Variants in PACRG observed in about 807,000 individuals in gnomAD.
PACRG encodes the protein parkin coregulated.
Under a neutral mutation model 29.7 loss-of-function variants are expected in PACRG, and 29 were observed. That is an observed-to-expected ratio of 0.98 (90% CI 0.73 to 1.33). The LOEUF is 1.33. Ranked by LOEUF, PACRG falls within the 40% of genes most tolerant of loss-of-function variation. The pLI is 0.00. For synonymous variants in PACRG, 116 were observed against 118.7 expected, an observed-to-expected ratio of 0.98 and a Z score of 0.15; for missense variants, 279 against 316.2, an observed-to-expected ratio of 0.88 and a Z score of 0.89.
At chr6:162,910,883 A>C (rs551630947) in intron 2 of PACRG, among the ~76,000 whole-genome samples, 1 of 152,292 alleles carries the variant, frequency 6.6e-6, no homozygotes, top group East Asian at 1.9e-4. Context: ...CCAAAAGTTA[A>C]AGCAACTTTC....
chr6:163,135,219 C>T (rs890370149), intron 4 of PACRG, among the ~76,000 whole-genome samples: 2 of 148,844 alleles, frequency 1.3e-5, no homozygotes, highest in Non-Finnish European at 3.0e-5. Context: ...GACAGAGTCT[C>T]GTTCTGTTGC....
intron 1 of PACRG, among the ~76,000 whole-genome samples, chr6:162,751,063 G>A (rs1418788216): frequency 6.6e-6 from 1 of 152,056 alleles, no homozygotes; most frequent in Non-Finnish European, 1.5e-5. Context: ...TCCTTCTCCT[G>A]AAGGTTTTAC....
Position 162,814,137 on chromosome 6 carries a change from TC to T in PACRG, c.157-8del. On this transcript the variant is annotated splice_polypyrimidine_tract_variant and intron_variant, in intron 1 of 4. Coordinates refer to ENST00000366888, the MANE Select transcript of PACRG (RefSeq NM_001080379.2). ...AAAACCTGATCCCTATTTTTTTTTT[TC>T]CAATTAAGGTGAGAGGCCCTCCAGC... 2 of 1,592,556 alleles carry T rather than the reference TC, an allele frequency of 1.3e-6. No individual in the cohort carries two copies. The highest frequency in any genetic ancestry group is 8.5e-7 in the Non-Finnish European group (1 of 1,171,976).
At chr6:162,814,040 CA>C in intron 1 of PACRG, 106 bp from the exon 2 acceptor site, 1 of 1,203,414 alleles carries the variant, frequency 8.3e-7, no homozygotes, top group South Asian at 2.0e-5. Context: ...TTTTATCTTC[CA>C]ACATATTTAT....
At chr6:163,208,938 A>G (rs796208350) in intron 4 of PACRG, among the ~76,000 whole-genome samples, 1 of 152,200 alleles carries the variant, frequency 6.6e-6, no homozygotes, top group Non-Finnish European at 1.5e-5. Flanking sequence ...AATTTATTAC[A>G]TTTTCCCCCT....
At chr6:163,148,025 A>C (rs774737419) in intron 4 of PACRG, among the ~76,000 whole-genome samples, 5 of 152,214 alleles carry the variant, frequency 3.3e-5, no homozygotes, top group Non-Finnish European at 7.3e-5. Context: ...ATACCACTGA[A>C]AATATGAAAT....
chr6:163,123,692 A>C (rs967807955), intron 4 of PACRG, among the ~76,000 whole-genome samples: 2 of 152,146 alleles, frequency 1.3e-5, no homozygotes, highest in Non-Finnish European at 2.9e-5. Context: ...CCAGCGTTCT[A>C]TTGTCTACTT....
At chr6:163,306,919 G>A (rs1785214792) in intron 4 of PACRG, among the ~76,000 whole-genome samples, 1 of 152,198 alleles carries the variant, frequency 6.6e-6, no homozygotes, top group Non-Finnish European at 1.5e-5. Flanking sequence ...TTCAGAGGCA[G>A]TAACTGAGAT....
At chr6:163,255,876 T>A (rs1783086888) in intron 4 of PACRG, among the ~76,000 whole-genome samples, 1 of 152,176 alleles carries the variant, frequency 6.6e-6, no homozygotes, top group South Asian at 2.1e-4. Flanking sequence ...CCTCAAGTGA[T>A]CCACCTGCCT....
chr6:162,864,866 T>A (rs1792162669), intron 2 of PACRG, among the ~76,000 whole-genome samples: 1 of 152,166 alleles, frequency 6.6e-6, no homozygotes, highest in South Asian at 2.1e-4. Flanking sequence ...CATATACTAT[T>A]TTATTGTGTT....
intron 4 of PACRG, among the ~76,000 whole-genome samples, chr6:163,291,225 G>A (rs1407474822): frequency 7.1e-6 from 1 of 140,432 alleles, no homozygotes; most frequent in African/African-American, 2.8e-5. Flanking sequence ...TGTCCCCTCT[G>A]CCCGCCAGAG....
At chr6:163,160,016 C>T (rs759481485) in intron 4 of PACRG, among the ~76,000 whole-genome samples, 1 of 152,184 alleles carries the variant, frequency 6.6e-6, no homozygotes, top group Non-Finnish European at 1.5e-5. Flanking sequence ...TAGCACTTCT[C>T]TGTACTTTTA....
At chr6:163,271,365 C>G (rs1338520023) in intron 4 of PACRG, among the ~76,000 whole-genome samples, 5 of 36,874 alleles carry the variant, frequency 1.4e-4, no homozygotes, top group Non-Finnish European at 2.9e-4. Flanking sequence ...TCCTTCAATC[C>G]AATCAAGTTG....
chr6:162,785,327 A>G (rs993038389), intron 1 of PACRG, among the ~76,000 whole-genome samples: 2 of 152,286 alleles, frequency 1.3e-5, no homozygotes, highest in African/African-American at 2.4e-5. Flanking sequence ...AGTCTGCAAT[A>G]TTTTGGGGTT....
In PACRG at chr6:163,201,562, A is replaced by G. The variant is rs140535250; in HGVS notation, c.613+112154A>G. ...AAGACCACCCAGCTCCCTAACCCCTACTCATCCACCTCCTGCCCCAGTTAA... is the reference window on the plus strand; with the variant it reads ...AAGACCACCCAGCTCCCTAACCCCTGCTCATCCACCTCCTGCCCCAGTTAA... On this transcript the variant is annotated intron_variant, in intron 4 of 4. Transcript: ENST00000366888. 4.6e-5 allele frequency among the ~76,000 whole-genome samples: 7 copies of G among 152,188 alleles called. No homozygotes were observed. In the East Asian group the frequency reaches 1.4e-3, roughly 30 times the overall value.
chr6:163,276,354 T>C (rs781544607), intron 4 of PACRG, among the ~76,000 whole-genome samples: 1 of 152,198 alleles, frequency 6.6e-6, no homozygotes, highest in Non-Finnish European at 1.5e-5. Flanking sequence ...CTTTCAATCA[T>C]GAAACAGCAC....
At chr6:163,169,056 A>C (rs957211501) in intron 4 of PACRG, among the ~76,000 whole-genome samples, 2 of 152,210 alleles carry the variant, frequency 1.3e-5, no homozygotes, top group African/African-American at 2.4e-5. Flanking sequence ...ACATGGTCCT[A>C]ATTGTGTTAT....
chr6:162,983,508 T>A (rs1203795808), intron 2 of PACRG, among the ~76,000 whole-genome samples: 1 of 151,982 alleles, frequency 6.6e-6, no homozygotes, highest in Non-Finnish European at 1.5e-5. Flanking sequence ...GGATTGGTAG[T>A]GGTGAATTCT....
chr6:163,269,821 G>GAAGGAAGGAAGGAAGGAAGGAGAAAGAA (rs1562349289), intron 4 of PACRG, among the ~76,000 whole-genome samples: 1 of 45,268 alleles, frequency 2.2e-5, no homozygotes, highest in Non-Finnish European at 5.0e-5. Flanking sequence ...AGGAAGGAAG[G>GAAGGAAGGAAGGAAGGAAGGAGAAAGAA]AGAAAGAAAG....
Sources: gnomAD v4.1 joint callset for allele counts (sites outside exome capture counted in the v4.1 genomes callset) on GRCh38, gnomAD v4.1.1 for gene constraint, MANE v1.5 for transcripts, NCBI Gene and HGNC (gene_info 2026-07-23, HGNC 2026-07-21) for gene names.